ARL8B: variants seen among roughly 807,000 people sequenced by gnomAD.
ARL8B encodes the protein ADP-ribosylation factor-like protein 8B.
In ARL8B, 9 loss-of-function variants were observed where a neutral mutation model predicts 30.6. That is an observed-to-expected ratio of 0.29 (90% CI 0.18 to 0.51). The LOEUF (loss-of-function observed/expected upper bound fraction) is 0.51, where lower values mean the gene tolerates loss of function less well. Ranked by LOEUF, ARL8B falls within the 20% of genes least tolerant of loss-of-function variation. ARL8B has a pLI of 0.97. For synonymous variants in ARL8B, 74 were observed against 76.0 expected (o/e 0.97, Z 0.14); for missense variants, 130 against 227.2 (o/e 0.57, Z 2.75).
intron 1 of ARL8B, among the ~76,000 whole-genome samples, chr3:5,128,806 GTCT>G (rs1248066216): frequency 2.6e-5 from 4 of 152,136 alleles, no homozygotes; most frequent in Admixed American, 2.6e-4. Flanking sequence ...TTTCGTTTTT[GTCT>G]TCTTAATGTG....
chr3:5,148,348 G>C (rs1220699037), intron 1 of ARL8B, among the ~76,000 whole-genome samples: 1 of 152,178 alleles, frequency 6.6e-6, no homozygotes, highest in African/African-American at 2.4e-5. Context: ...CTGCTGTGTG[G>C]AAGGGATAGG....
chr3:5,175,579 T>A (rs2054722570), intron 6 of ARL8B, among the ~76,000 whole-genome samples: 1 of 152,190 alleles, frequency 6.6e-6, no homozygotes, highest in South Asian at 2.1e-4. Flanking sequence ...CATATTAACT[T>A]CTTAGAACTG....
At chr3:5,161,299 C>G (rs529674400) in intron 1 of ARL8B, among the ~76,000 whole-genome samples, 1 of 151,578 alleles carries the variant, frequency 6.6e-6, no homozygotes, top group Admixed American at 6.6e-5. Flanking sequence ...TCAGCAACAT[C>G]AAAAAAAGAC....
At chr3:5,125,701 T>C (rs2054224893) in intron 1 of ARL8B, among the ~76,000 whole-genome samples, 1 of 152,080 alleles carries the variant, frequency 6.6e-6, no homozygotes, top group Admixed American at 6.6e-5. Flanking sequence ...CCCAGCTAAT[T>C]TTTGTATTTT....
intron 1 of ARL8B, among the ~76,000 whole-genome samples, chr3:5,145,172 C>T (rs577053089): frequency 1.3e-5 from 2 of 152,104 alleles, no homozygotes; most frequent in African/African-American, 2.4e-5. Flanking sequence ...TCAGGTTTAG[C>T]TTTGATTTTG....
chr3:5,144,146 A>T lies in ARL8B; in HGVS notation c.123+21558A>T, dbSNP rs543650760. 2.0e-5 allele frequency among the ~76,000 whole-genome samples: 3 copies of T among 152,326 alleles called. No individual in the cohort carries two copies. The East Asian group carries it at 5.8e-4, about 29-fold the overall frequency. ...TAAAGTGGCTCCCATTGTCTGAATT[A>T]ATATTTTCCACCAGGCCAAATCTAG... On this transcript the variant is annotated intron_variant, in intron 1 of 6. Transcript: ENST00000256496.
chr3:5,152,124 G>T (rs1171554709), intron 1 of ARL8B, among the ~76,000 whole-genome samples: 1 of 152,198 alleles, frequency 6.6e-6, no homozygotes, highest in Non-Finnish European at 1.5e-5. Flanking sequence ...AGATCCAGTT[G>T]GTTGTTGTGG....
intron 1 of ARL8B, among the ~76,000 whole-genome samples, chr3:5,132,435 C>T (rs1241657346): frequency 1.3e-5 from 2 of 152,120 alleles, no homozygotes; most frequent in East Asian, 1.9e-4. Flanking sequence ...GATAGGGTTT[C>T]ACTATGTTGG....
chr3:5,170,192 A>G (rs1184744424), intron 1 of ARL8B, among the ~76,000 whole-genome samples: 1 of 152,250 alleles, frequency 6.6e-6, no homozygotes, highest in Non-Finnish European at 1.5e-5. Context: ...GGAAATGTAC[A>G]TCTAGGTGAA....
intron 1 of ARL8B, among the ~76,000 whole-genome samples, chr3:5,145,061 T>C (rs1026829850): frequency 1.0e-4 from 15 of 149,460 alleles, no homozygotes; most frequent in African/African-American, 3.8e-4. Context: ...TTTATTTCCA[T>C]CAGTGATAGC....
intron 1 of ARL8B, among the ~76,000 whole-genome samples, chr3:5,137,174 A>T (rs923903268): frequency 6.6e-6 from 1 of 152,156 alleles, no homozygotes; most frequent in Non-Finnish European, 1.5e-5. Flanking sequence ...TTTGGGCATG[A>T]GAATACTTGC....
intron 1 of ARL8B, among the ~76,000 whole-genome samples, chr3:5,159,602 C>CAAAAAAAAAAAAA (rs71053495): frequency 1.0e-4 from 8 of 77,046 alleles, no homozygotes; most frequent in African/African-American, 1.4e-4. Flanking sequence ...AACTCCGTCT[C>CAAAAAAAAAAAAA]AAAAAAAAAA....
Position 5,129,706 on chromosome 3 carries a change from C to T in ARL8B, c.123+7118C>T, listed in dbSNP as rs575735740. On this transcript the variant is annotated intron_variant, in intron 1 of 6. Coordinates refer to ENST00000256496, the MANE Select transcript of ARL8B (RefSeq NM_018184.3). ...GGACCACAGGCGTATGTCACTACGC[C>T]TGGCTAATTTTTTTAAACAAGATTT... Among the ~76,000 whole-genome samples the T allele has an allele frequency of 1.6e-3, 249 of 152,070 alleles. 3 individuals carry two copies. Among genetic ancestry groups the T allele is most frequent in the Admixed American group, 5.2e-3 (80 of 15,268 alleles).
intron 1 of ARL8B, among the ~76,000 whole-genome samples, chr3:5,141,747 A>C (rs1489586037): frequency 6.6e-6 from 1 of 151,864 alleles, no homozygotes; most frequent in Non-Finnish European, 1.5e-5. Flanking sequence ...TAACACTTAC[A>C]CCCCCTTTTT....
chr3:5,148,388 C>G (rs1180545431), intron 1 of ARL8B, among the ~76,000 whole-genome samples: 4 of 152,114 alleles, frequency 2.6e-5, no homozygotes, highest in Non-Finnish European at 4.4e-5. Flanking sequence ...TTACACTGTT[C>G]TAATTCTTTT....
intron 1 of ARL8B, among the ~76,000 whole-genome samples, chr3:5,134,960 G>A (rs1368127717): frequency 6.6e-6 from 1 of 152,088 alleles, no homozygotes; most frequent in Non-Finnish European, 1.5e-5. Context: ...CGATTCTTGT[G>A]CCTTCACCTC....
At chr3:5,165,457 A>G (rs966774315) in intron 1 of ARL8B, among the ~76,000 whole-genome samples, 4 of 152,194 alleles carry the variant, frequency 2.6e-5, no homozygotes, top group African/African-American at 9.6e-5. Context: ...TCGTTTGCCC[A>G]GTGTGTGAAT....
chr3:5,124,670 C>T (rs564832672), intron 1 of ARL8B, among the ~76,000 whole-genome samples: 162 of 151,982 alleles, frequency 1.1e-3, no homozygotes, highest in African/African-American at 3.5e-3. Context: ...TAAAGACGGG[C>T]TCTTGCTATG....
Position 5,170,592 on chromosome 3 carries a change from TTTCTTGCCGTACGCAATTTAAA to T in ARL8B, c.204+12_204+33del. The T allele has an allele frequency of 6.3e-7, 1 of 1,598,566 alleles. No individual in the cohort carries two copies. The highest frequency in any genetic ancestry group is 8.6e-7 in the Non-Finnish European group (1 of 1,167,334). On this transcript the variant is annotated intron_variant, in intron 2 of 6. Transcript: ENST00000256496. ...GTAACGTCACAATAAAGGTAAGTTA[TTTCTTGCCGTACGCAATTTAAA>T]TTGTTAGCACAGACCCCTAGAAATT...
Sources: gnomAD v4.1 joint callset for allele counts (sites outside exome capture counted in the v4.1 genomes callset) on GRCh38, gnomAD v4.1.1 for gene constraint, MANE v1.5 for transcripts, NCBI Gene and HGNC (gene_info 2026-07-23, HGNC 2026-07-21) for gene names.